DACH2: variants seen among roughly 807,000 people sequenced by gnomAD.
DACH2 encodes the protein dachshund family transcription factor 2.
In DACH2, 17 loss-of-function variants were observed where a neutral mutation model predicts 35.8. The observed-to-expected ratio is 0.48, with a 90% CI of 0.33 to 0.71. DACH2 has a LOEUF of 0.71. DACH2 is among the 30% of genes least tolerant of loss of function. DACH2 has a pLI of 0.02. For missense variants in DACH2, 469 were observed against 472.7 expected (o/e 0.99, Z 0.07); for synonymous variants, 195 against 177.3 (o/e 1.10, Z -0.79).
At chrX:86,326,787 TA>T (rs2035123640) in intron 1 of DACH2, among the ~76,000 whole-genome samples, 3 of 111,747 alleles carry the variant, frequency 2.7e-5, no homozygotes, top group Admixed American at 9.5e-5. Flanking sequence ...AACATATGGT[TA>T]AAAAATCTAT....
intron 2 of DACH2, among the ~76,000 whole-genome samples, chrX:86,404,362 G>T (rs1432131387): frequency 8.9e-6 from 1 of 112,101 alleles, no homozygotes; most frequent in African/African-American, 3.2e-5. Context: ...TAGATACAAT[G>T]AGGGTACAGG....
At chrX:86,390,342 GA>G (rs2036182137) in intron 2 of DACH2, among the ~76,000 whole-genome samples, 1 of 111,624 alleles carries the variant, frequency 9.0e-6, no homozygotes, top group Non-Finnish European at 1.9e-5. Context: ...AAATTATGGT[GA>G]ATGATAATAT....
intron 1 of DACH2, among the ~76,000 whole-genome samples, chrX:86,297,070 T>A (rs981680784): frequency 1.7e-4 from 14 of 80,868 alleles, no homozygotes; most frequent in Non-Finnish European, 3.2e-4. Flanking sequence ...TATATATATA[T>A]AATTAGAGCA....
intron 1 of DACH2, among the ~76,000 whole-genome samples, chrX:86,330,443 T>A (rs1355433640): frequency 8.9e-6 from 1 of 111,845 alleles, no homozygotes; most frequent in Non-Finnish European, 1.9e-5. Flanking sequence ...TTTAGTTGGA[T>A]GATTGAAATC....
chrX:86,344,092 A>C lies in DACH2; in HGVS notation c.489-32732A>C, dbSNP rs187239740. On this transcript the variant is annotated intron_variant, in intron 1 of 11. Coordinates refer to ENST00000373125, the MANE Select transcript of DACH2 (RefSeq NM_053281.3). ...GGATTGTTTGTAACTCAAAGAATAA[A>C]TTCTTGAGGGGATGGCCACCTCACT... 8.3e-4 allele frequency among the ~76,000 whole-genome samples: 92 copies of C among 110,735 alleles called. 2 individuals are homozygous for C. The East Asian group carries it at 0.015, about 18-fold the overall frequency.
intron 3 of DACH2, among the ~76,000 whole-genome samples, chrX:86,633,158 G>T (rs772724222): frequency 2.6e-4 from 29 of 110,454 alleles, no homozygotes; most frequent in East Asian, 2.6e-3. Context: ...AAATGATAAA[G>T]GAAATGAAAT....
chrX:86,702,853 A>G (rs1197194582), intron 5 of DACH2, among the ~76,000 whole-genome samples: 2 of 111,496 alleles, frequency 1.8e-5, no homozygotes, highest in African/African-American at 6.5e-5. Flanking sequence ...CCTTCAAAGA[A>G]GTGGTACCAA....
At chrX:86,458,833 A>T (rs1419217605) in intron 2 of DACH2, among the ~76,000 whole-genome samples, 1 of 111,002 alleles carries the variant, frequency 9.0e-6, no homozygotes. Flanking sequence ...GAACACATGG[A>T]CACAGGGAAG....
chrX:86,510,866 T>G (rs1226567703), intron 2 of DACH2, among the ~76,000 whole-genome samples: 1 of 111,750 alleles, frequency 8.9e-6, no homozygotes, highest in Non-Finnish European at 1.9e-5. Context: ...GTAATTAAAC[T>G]GAAAACAAAT....
intron 2 of DACH2, among the ~76,000 whole-genome samples, chrX:86,469,549 A>T (rs1378833544): frequency 1.8e-5 from 2 of 110,985 alleles, no homozygotes; most frequent in African/African-American, 6.5e-5. Context: ...GAAATTAAGG[A>T]TTTGCTTCTC....
intron 2 of DACH2, among the ~76,000 whole-genome samples, chrX:86,496,736 A>C (rs2038177640): frequency 9.1e-6 from 1 of 110,294 alleles, no homozygotes; most frequent in Non-Finnish European, 1.9e-5. Flanking sequence ...TCAGGTCTCT[A>C]GGAAGAGCAG....
chrX:86,570,731 C>T (rs1424722880), intron 3 of DACH2, among the ~76,000 whole-genome samples: 1 of 109,541 alleles, frequency 9.1e-6, no homozygotes, highest in East Asian at 2.9e-4. Flanking sequence ...TACCCAGAAA[C>T]TTAAAAAAAA....
intron 1 of DACH2, among the ~76,000 whole-genome samples, chrX:86,321,094 C>G (rs1569347580): frequency 9.0e-6 from 1 of 111,580 alleles, no homozygotes; most frequent in Non-Finnish European, 1.9e-5. Flanking sequence ...GACCTAGGTT[C>G]TTTACTGAAG....
intron 1 of DACH2, among the ~76,000 whole-genome samples, chrX:86,315,266 G>A (rs1046374879): frequency 4.3e-4 from 48 of 111,921 alleles, no homozygotes; most frequent in Admixed American, 2.7e-3. Flanking sequence ...TTTATAGCAC[G>A]GTTTACTGAA....
chrX:86,196,383 C>A, intron 1 of DACH2, among the ~76,000 whole-genome samples: 1 of 110,629 alleles, frequency 9.0e-6, no homozygotes, highest in Middle Eastern at 4.6e-3. Flanking sequence ...GACAAGAATA[C>A]AGAAATAAGA....
chrX:86,753,643 G>C (rs2041797440), intron 7 of DACH2, among the ~76,000 whole-genome samples: 1 of 111,420 alleles, frequency 9.0e-6, no homozygotes, highest in Non-Finnish European at 1.9e-5. Context: ...GATGTCTTCT[G>C]TACCCTACAT....
intron 2 of DACH2, among the ~76,000 whole-genome samples, chrX:86,510,737 T>C (rs1217626540): frequency 8.9e-6 from 1 of 111,766 alleles, no homozygotes; most frequent in East Asian, 2.8e-4. Context: ...TATGGGGTTG[T>C]TTGCCTTGTA....
chrX:86,541,867 G>A (rs2038888372), intron 3 of DACH2, among the ~76,000 whole-genome samples: 1 of 111,299 alleles, frequency 9.0e-6, no homozygotes, highest in Non-Finnish European at 1.9e-5. Context: ...TTTTTCACGA[G>A]ATTTCATCCA....
intron 2 of DACH2, among the ~76,000 whole-genome samples, chrX:86,445,533 GA>G (rs200382737): frequency 0.018 from 412 of 23,433 alleles, 2 homozygotes; most frequent in Non-Finnish European, 0.038. Context: ...AGAAAAAAAA[GA>G]AAAAAAAAAA....
Sources: gnomAD v4.1 joint callset for allele counts (sites outside exome capture counted in the v4.1 genomes callset) on GRCh38, gnomAD v4.1.1 for gene constraint, MANE v1.5 for transcripts, NCBI Gene and HGNC (gene_info 2026-07-23, HGNC 2026-07-21) for gene names.